MTMR3: variants seen among roughly 807,000 people sequenced by gnomAD.
MTMR3 encodes the protein phosphatidylinositol-3,5-bisphosphate 3-phosphatase MTMR3.
Under a neutral mutation model 132.4 loss-of-function variants are expected in MTMR3, and 32 were observed. That is an observed-to-expected ratio of 0.24 (90% confidence interval 0.18 to 0.32). The LOEUF (loss-of-function observed/expected upper bound fraction) is 0.32, where lower values mean the gene tolerates loss of function less well. Ranked by LOEUF, MTMR3 falls within the 10% of genes least tolerant of loss-of-function variation. The pLI is 1.00. For synonymous variants in MTMR3, 556 were observed against 550.3 expected (o/e 1.01, Z -0.14); for missense variants, 1,216 against 1,489.6 (o/e 0.82, Z 3.02).
intron 7 of MTMR3, chr22:29,995,023 G>C (rs1370919790): frequency 6.6e-6 from 1 of 152,252 alleles, no homozygotes; most frequent in Non-Finnish European, 1.5e-5. Flanking sequence ...TGATGGCTCT[G>C]TACTAGAGTG....
intron 1 of MTMR3, among the ~76,000 whole-genome samples, chr22:29,939,753 C>T (rs2065819151): frequency 6.6e-6 from 1 of 152,104 alleles, no homozygotes; most frequent in Admixed American, 6.5e-5. Flanking sequence ...CAGATAGCAG[C>T]TATAACTGTT....
chr22:29,990,366 A>G (rs1046534956), intron 6 of MTMR3: 3 of 152,294 alleles, frequency 2.0e-5, no homozygotes, highest in Admixed American at 6.5e-5. Context: ...ATGTGTTGGC[A>G]TACTGATGAG....
At chr22:30,016,146 A>G (rs756184256) in intron 14 of MTMR3, 2 of 204,500 alleles carry the variant, frequency 9.8e-6, no homozygotes, top group Non-Finnish European at 2.0e-5. Context: ...GCCATGTGAA[A>G]TGCTCAATAA....
intron 1 of MTMR3, among the ~76,000 whole-genome samples, chr22:29,933,155 AG>A (rs1245381253): frequency 2.0e-5 from 3 of 151,958 alleles, no homozygotes; most frequent in Admixed American, 6.6e-5. Flanking sequence ...TTTTTAGTAG[AG>A]ATGGGGTTTC....
intron 1 of MTMR3, among the ~76,000 whole-genome samples, chr22:29,924,817 A>G (rs958919110): frequency 6.6e-6 from 1 of 151,892 alleles, no homozygotes; most frequent in Non-Finnish European, 1.5e-5. Flanking sequence ...TTTTTATGCT[A>G]TTGTAAATGG....
chr22:29,955,083 G>T (rs903039052), intron 1 of MTMR3, among the ~76,000 whole-genome samples: 1 of 152,080 alleles, frequency 6.6e-6, no homozygotes, highest in Non-Finnish European at 1.5e-5. Flanking sequence ...TTGACCTCCC[G>T]GGCCCAAGCC....
intron 1 of MTMR3, among the ~76,000 whole-genome samples, chr22:29,886,946 T>C (rs1197561639): frequency 6.6e-6 from 1 of 152,188 alleles, no homozygotes; most frequent in Non-Finnish European, 1.5e-5. Context: ...CTATGATGAA[T>C]ATATAGATAA....
chr22:29,998,706 GT>G, intron 7 of MTMR3, 54 bp from the exon 8 acceptor site: 3 of 1,288,652 alleles, frequency 2.3e-6, no homozygotes, highest in Non-Finnish European at 3.3e-6. Flanking sequence ...TATTCCACCT[GT>G]TTTGCAAAAT....
At chr22:29,897,395 T>A (rs1357211390) in intron 1 of MTMR3, among the ~76,000 whole-genome samples, 1 of 152,100 alleles carries the variant, frequency 6.6e-6, no homozygotes, top group Non-Finnish European at 1.5e-5. Flanking sequence ...ATTTAATAGA[T>A]GCTGACATCT....
chr22:29,969,306 C>A (rs577691411), intron 2 of MTMR3, among the ~76,000 whole-genome samples: 1 of 152,172 alleles, frequency 6.6e-6, no homozygotes, highest in Non-Finnish European at 1.5e-5. Context: ...CTTGACTTCT[C>A]TTTTTCTATC....
intron 1 of MTMR3, among the ~76,000 whole-genome samples, chr22:29,910,596 C>T (rs1435675880): frequency 6.6e-6 from 1 of 152,126 alleles, no homozygotes; most frequent in African/African-American, 2.4e-5. Flanking sequence ...GTAGGAGTCT[C>T]ACACTTTAGT....
intron 2 of MTMR3, among the ~76,000 whole-genome samples, chr22:29,968,297 A>T (rs2145867034): frequency 6.6e-6 from 1 of 152,314 alleles, no homozygotes; most frequent in South Asian, 2.1e-4. Flanking sequence ...TAGTTTTGCA[A>T]AATGCATTAA....
chr22:29,918,802 G>A (rs544034843), intron 1 of MTMR3, among the ~76,000 whole-genome samples: 11 of 152,136 alleles, frequency 7.2e-5, no homozygotes, highest in South Asian at 2.1e-4. Context: ...AATGAAATAC[G>A]TTACTACTGG....
At chr22:30,006,576 G>A (rs1030747761) in intron 9 of MTMR3, 7 of 154,546 alleles carry the variant, frequency 4.5e-5, no homozygotes, top group African/African-American at 1.4e-4. Context: ...TGGAAATGGG[G>A]TCTTGCTCTG....
At chr22:29,922,719 T>G (rs1021243147) in intron 1 of MTMR3, among the ~76,000 whole-genome samples, 1 of 152,150 alleles carries the variant, frequency 6.6e-6, no homozygotes, top group African/African-American at 2.4e-5. Context: ...TGTTAATTTT[T>G]TGAGAAATCT....
intron 1 of MTMR3, among the ~76,000 whole-genome samples, chr22:29,949,467 G>C (rs2066029061): frequency 6.7e-6 from 1 of 148,474 alleles, no homozygotes; most frequent in African/African-American, 2.5e-5. Flanking sequence ...CTGCACTCAA[G>C]CCTGGGTGAT....
At chr22:30,000,477 A>C (rs539059200) in intron 8 of MTMR3, 1 of 122,566 alleles carries the variant, frequency 8.2e-6, no homozygotes, top group Non-Finnish European at 1.6e-5. Flanking sequence ...TAAAAAAAAT[A>C]AAAAAAAAAA....
At chr22:29,898,912 C>CTTT (rs199656050) in intron 1 of MTMR3, among the ~76,000 whole-genome samples, 29,676 of 142,822 alleles carry the variant, frequency 0.21, 3,458 homozygotes, top group Middle Eastern at 0.38. Flanking sequence ...TTTCTCACAT[C>CTTT]TTTTTTTTTT....
At chr22:29,953,797 CT>C (rs2145837531) in intron 1 of MTMR3, among the ~76,000 whole-genome samples, 1 of 152,238 alleles carries the variant, frequency 6.6e-6, no homozygotes, top group South Asian at 2.1e-4. Flanking sequence ...CTGCCCACCC[CT>C]CTTCCCTGTT....
Sources: allele counts gnomAD v4.1 joint callset (sites outside exome capture counted in the v4.1 genomes callset), GRCh38; gene constraint gnomAD v4.1.1; transcripts MANE v1.5; gene names NCBI Gene and HGNC (gene_info 2026-07-23, HGNC 2026-07-21).